ADAMTSL3: variants seen among roughly 807,000 people sequenced by gnomAD.
ADAMTSL3 encodes the protein ADAMTS like 3, also known as ADAMTS-like protein 3.
Under a neutral mutation model 201.7 loss-of-function variants are expected in ADAMTSL3, and 128 were observed. The ratio of observed to expected loss-of-function variants is 0.63; its 90% CI spans 0.55 to 0.73. The LOEUF (loss-of-function observed/expected upper bound fraction) is 0.73, where lower values mean the gene tolerates loss of function less well. ADAMTSL3 is among the 30% of genes least tolerant of loss of function. The pLI is 0.00. For synonymous variants in ADAMTSL3, 738 were observed against 748.4 expected, an observed-to-expected ratio of 0.99 and a Z score of 0.23; for missense variants, 1,990 against 2,119.6, an observed-to-expected ratio of 0.94 and a Z score of 1.20.
At chr15:83,758,896 A>C (rs2062763933) in intron 3 of ADAMTSL3, among the ~76,000 whole-genome samples, 1 of 152,152 alleles carries the variant, frequency 6.6e-6, no homozygotes, top group African/African-American at 2.4e-5. Context: ...TTATGCACAA[A>C]GGTTTTAATA....
intron 2 of ADAMTSL3, among the ~76,000 whole-genome samples, chr15:83,665,277 G>A (rs992099619): frequency 6.6e-6 from 1 of 152,092 alleles, no homozygotes; most frequent in African/African-American, 2.4e-5. Flanking sequence ...GACACGTGAG[G>A]GTGGAAATTC....
At chr15:83,658,581 G>A (rs2061123209) in intron 2 of ADAMTSL3, among the ~76,000 whole-genome samples, 1 of 152,174 alleles carries the variant, frequency 6.6e-6, no homozygotes, top group African/African-American at 2.4e-5. Context: ...CAGGCAGCTG[G>A]AGCGGCCTCC....
At chr15:83,872,131 C>G (rs1162710706) in intron 9 of ADAMTSL3, among the ~76,000 whole-genome samples, 2 of 151,992 alleles carry the variant, frequency 1.3e-5, no homozygotes, top group Non-Finnish European at 2.9e-5. Context: ...TTTGAATAAT[C>G]AACTCTTAAA....
chr15:83,674,766 C>CATACATAT (rs760271207), intron 2 of ADAMTSL3, among the ~76,000 whole-genome samples: 25 of 68,942 alleles, frequency 3.6e-4, no homozygotes, highest in Non-Finnish European at 5.7e-4. Context: ...CACATATATA[C>CATACATAT]ATATATATAT....
intron 8 of ADAMTSL3, among the ~76,000 whole-genome samples, chr15:83,868,806 C>T (rs937591651): frequency 1.3e-5 from 2 of 152,150 alleles, no homozygotes; most frequent in African/African-American, 4.8e-5. Flanking sequence ...ATATCCATGT[C>T]ACTGAGACTC....
At chr15:83,717,952 T>G (rs1212701536) in intron 3 of ADAMTSL3, among the ~76,000 whole-genome samples, 2 of 152,204 alleles carry the variant, frequency 1.3e-5, no homozygotes, top group Admixed American at 1.3e-4. Context: ...ATGTGATCAT[T>G]TGGTTTTTTA....
intron 3 of ADAMTSL3, among the ~76,000 whole-genome samples, chr15:83,721,899 A>AT (rs1178876963): frequency 6.6e-6 from 1 of 151,890 alleles, no homozygotes; most frequent in African/African-American, 2.4e-5. Flanking sequence ...TGCCCAGCTA[A>AT]TTTTTTTATT....
At chr15:84,017,273 A>G (rs1028117509) in intron 25 of ADAMTSL3, among the ~76,000 whole-genome samples, 2 of 151,862 alleles carry the variant, frequency 1.3e-5, no homozygotes, top group African/African-American at 2.4e-5. Flanking sequence ...ACCCGCCACC[A>G]CGCCCGGCTA....
In ADAMTSL3 at chr15:84,036,885, G is replaced by T; in HGVS notation, c.4867G>T (p.Asp1623Tyr). 1.2e-6 allele frequency: 2 copies of T among 1,614,050 alleles called. No individual in the cohort carries two copies. The highest frequency in any genetic ancestry group is 1.7e-6 in the Non-Finnish European group (2 of 1,180,018). ...CAGGGGTTTCCAGTCTCGGAAAGTC[G>T]ACTGTATCCACACAAGGAGTTGCAA... ...CGRGFQSRKV[D>Y]CIHTRSCKPV... Residue 1623 changes from aspartate (D) to tyrosine (Y), a missense_variant, in exon 29 of 30, where the codon GAC becomes TAC. Asp to Tyr is a radical substitution (Grantham distance 160). Coordinates refer to ENST00000286744, the MANE Select transcript of ADAMTSL3 (RefSeq NM_207517.3).
chr15:83,945,831 C>G (rs2066645085), intron 19 of ADAMTSL3: 1 of 152,188 alleles, frequency 6.6e-6, no homozygotes, highest in Non-Finnish European at 1.5e-5. Context: ...TCAGAGTCTG[C>G]ATTTCAACAA....
In ADAMTSL3 at chr15:83,743,876, G is replaced by T. The variant is rs189534735; in HGVS notation, c.190-29647G>T. ...ATATATCTTTTTAATTTTTTTTTTTGATATGGCGTCTGTTGCCCAGGCGGA... is the reference window on the plus strand; with the variant it reads ...ATATATCTTTTTAATTTTTTTTTTTTATATGGCGTCTGTTGCCCAGGCGGA... On this transcript the variant is annotated intron_variant, in intron 3 of 29. Coordinates refer to ENST00000286744, the MANE Select transcript of ADAMTSL3 (RefSeq NM_207517.3). Among the ~76,000 whole-genome samples the T allele has an allele frequency of 5.8e-3, 868 of 149,462 alleles. 6 individuals are homozygous for T. Among genetic ancestry groups the T allele is most frequent in the South Asian group, 0.016 (75 of 4,744 alleles).
At chr15:83,695,886 T>A (rs1461672493) in intron 2 of ADAMTSL3, among the ~76,000 whole-genome samples, 1 of 151,950 alleles carries the variant, frequency 6.6e-6, no homozygotes, top group Non-Finnish European at 1.5e-5. Flanking sequence ...AACTTTTGTT[T>A]CAGGTTCAAG....
intron 3 of ADAMTSL3, among the ~76,000 whole-genome samples, chr15:83,733,621 G>A (rs1264538493): frequency 1.3e-5 from 2 of 152,140 alleles, no homozygotes; most frequent in African/African-American, 2.4e-5. Flanking sequence ...CTGCATTTTA[G>A]TGCAAATCTT....
chr15:83,814,689 T>G (rs1333271372), intron 5 of ADAMTSL3, among the ~76,000 whole-genome samples: 2 of 152,226 alleles, frequency 1.3e-5, no homozygotes, highest in Non-Finnish European at 2.9e-5. Context: ...TAGCTCATAG[T>G]ACAACTTGGA....
In ADAMTSL3 at chr15:83,688,751, T is replaced by TAC. The variant is rs1555430321; in HGVS notation, c.70-15637_70-15636insCA. On this transcript the variant is annotated intron_variant, in intron 2 of 29. Coordinates refer to ENST00000286744, the MANE Select transcript of ADAMTSL3 (RefSeq NM_207517.3). ...CTAGTGTTAAGTATACACATGCATA[T>TAC]ATATACACACACACACACACACACA... Among the ~76,000 whole-genome samples, 971 of 114,672 alleles carry TAC rather than the reference T, an allele frequency of 8.5e-3. 3 individuals carry two copies. Among genetic ancestry groups the TAC allele is most frequent in the Middle Eastern group, 0.046 (11 of 238 alleles). 75.2% of individuals were successfully genotyped at this position (114,672 alleles called of 152,430 possible).
intron 6 of ADAMTSL3, among the ~76,000 whole-genome samples, chr15:83,827,759 A>G (rs1377712675): frequency 6.6e-6 from 1 of 152,124 alleles, no homozygotes; most frequent in Non-Finnish European, 1.5e-5. Flanking sequence ...TGCCAGCACC[A>G]TTTATTAAAT....
At position 83,962,883 on chromosome 15, in the gene ADAMTSL3, G is replaced by C. The variant is rs1361453805; in HGVS notation, c.2491-7601G>C. Among the ~76,000 whole-genome samples the C allele has an allele frequency of 2.0e-5, 3 of 152,182 alleles. No homozygotes were observed. In the East Asian group the frequency reaches 5.8e-4, roughly 29 times the overall value. On this transcript the variant is annotated intron_variant, in intron 19 of 29. Transcript: ENST00000286744. ...CATGGAGGGCCAGCTGAAGCATGGT[G>C]GGGTGTCTCCTTACCTGGGAAGTGC...
chr15:83,863,285 C>A (rs530070342), intron 8 of ADAMTSL3, among the ~76,000 whole-genome samples: 103 of 152,112 alleles, frequency 6.8e-4, no homozygotes, highest in African/African-American at 2.1e-3. Context: ...AGACATCTAC[C>A]GAACTCTCCA....
chr15:83,977,945 C>G (rs190601733), intron 20 of ADAMTSL3, among the ~76,000 whole-genome samples: 1 of 152,348 alleles, frequency 6.6e-6, no homozygotes, highest in Admixed American at 6.5e-5. Context: ...TCCAAAGTAT[C>G]TGCCCAGGTT....
Sources: gnomAD v4.1 joint callset for allele counts (sites outside exome capture counted in the v4.1 genomes callset) on GRCh38, gnomAD v4.1.1 for gene constraint, MANE v1.5 for transcripts, NCBI Gene and HGNC (gene_info 2026-07-23, HGNC 2026-07-21) for gene names.